Variants in RTF1 observed in about 807,000 individuals in gnomAD.
The protein encoded by RTF1 is RTF1 homolog, Paf1/RNA polymerase II complex component.
A neutral mutation model predicts 95.7 loss-of-function variants in RTF1; 10 were observed. The observed-to-expected ratio is 0.10, with a 90% CI of 0.06 to 0.18. The LOEUF is 0.18. Among genes scored for constraint, RTF1 ranks in the 10% least tolerant of loss-of-function variants. The pLI, the probability that RTF1 is intolerant of heterozygous loss-of-function variation, is 1.00. For missense variants in RTF1, 458 were observed against 875.6 expected, an observed-to-expected ratio of 0.52 and a Z score of 6.02; for synonymous variants, 305 against 311.8, an observed-to-expected ratio of 0.98 and a Z score of 0.23.
In RTF1 at chr15:41,476,528, G is replaced by A. The variant is rs372286520; in HGVS notation, c.1560+5G>A. Reference sequence around the variant, plus strand: ...ACTCAGCTACTGAAGGAAAAGGTAAGGAGTTGTACTCGAGCCTCTTTCCTC... The same window carrying A: ...ACTCAGCTACTGAAGGAAAAGGTAAAGAGTTGTACTCGAGCCTCTTTCCTC... On this transcript the variant is annotated splice_donor_5th_base_variant and intron_variant, in intron 12 of 17. Transcript: ENST00000389629. The A allele has an allele frequency of 3.1e-6, 5 of 1,611,290 alleles. No individual in the cohort carries two copies. Among genetic ancestry groups the A allele is most frequent in the Non-Finnish European group, 2.5e-6 (3 of 1,177,672 alleles).
intron 17 of RTF1, 41 bp from the exon 18 acceptor site, chr15:41,480,540 T>G: frequency 1.4e-6 from 2 of 1,455,616 alleles, no homozygotes; most frequent in Non-Finnish European, 1.9e-6. Context: ...TAAGAGGACT[T>G]TGTGGGACCT....
At chr15:41,460,103 ATTTTTGTTTTTG>A (rs1390480415) in intron 4 of RTF1, among the ~76,000 whole-genome samples, 4 of 131,458 alleles carry the variant, frequency 3.0e-5, no homozygotes, top group African/African-American at 1.2e-4. Context: ...TAGACATTTG[ATTTTTGTTTTTG>A]TTTTTGTTTT....
rs147688280 is a variant in RTF1, at chr15:41,455,847, A to G, written c.458-1825A>G. 5.3e-5 allele frequency among the ~76,000 whole-genome samples: 8 copies of G among 152,058 alleles called. No individual in the cohort carries two copies. In the East Asian group the frequency reaches 1.5e-3, roughly 29 times the overall value. ...GAGGGAGTGAGGGTTAAAAGAGTAC[A>G]TATTGGGTACAGTGTACACTGCTTG... On this transcript the variant is annotated intron_variant, in intron 3 of 17. Coordinates refer to ENST00000389629, the MANE Select transcript of RTF1 (RefSeq NM_015138.5).
At chr15:41,463,875 C>T (rs1469639057) in intron 4 of RTF1, among the ~76,000 whole-genome samples, 1 of 152,070 alleles carries the variant, frequency 6.6e-6, no homozygotes, top group Non-Finnish European at 1.5e-5. Context: ...GTTTTCAAGA[C>T]GGAGTCTCAC....
Position 41,457,717 on chromosome 15 carries a change from A to G in RTF1, c.503A>G (p.Asp168Gly). 1 of 1,614,102 alleles carries G rather than the reference A, an allele frequency of 6.2e-7. No homozygotes were observed. Among genetic ancestry groups the G allele is most frequent in the Non-Finnish European group, 8.5e-7 (1 of 1,180,018 alleles). The change falls in exon 4 of 18, where the codon GAT (aspartate) becomes GGT (glycine). Residue 168 changes from aspartate to glycine, a missense_variant. Physicochemically the swap from Asp to Gly is moderately conservative, Grantham distance 94 (BLOSUM62 -1). Around this residue, in one of 11 missense-constraint regions of RTF1, gnomAD observed 15 missense variants for 28.4 expected, o/e 0.53. Coordinates refer to ENST00000389629, the MANE Select transcript of RTF1 (RefSeq NM_015138.5). ...AGCAACAGCTCCTCTTCCAGTTCAGATTCAGACTCTTCCTCAGAAGATGAA... is the reference window on the plus strand; with the variant it reads ...AGCAACAGCTCCTCTTCCAGTTCAGGTTCAGACTCTTCCTCAGAAGATGAA... ...SDSNSSSSSS[D>G]SDSSSEDEEF...
At chr15:41,438,213 T>C (rs2050714704) in intron 1 of RTF1, 108 bp from the exon 2 acceptor site, 1 of 683,886 alleles carries the variant, frequency 1.5e-6, no homozygotes, top group African/African-American at 1.8e-5. Context: ...GTCCTTTAGT[T>C]GAAAACACAA....
In RTF1 at chr15:41,464,425, T is replaced by G. The variant is rs577908081; in HGVS notation, c.663-346T>G. ...CACCATGCCCAGCTAATTTTTGTATTTTTAGTAGAGACGGGGTTTCACCAT... is the reference window on the plus strand; with the variant it reads ...CACCATGCCCAGCTAATTTTTGTATGTTTAGTAGAGACGGGGTTTCACCAT... On this transcript the variant is annotated intron_variant, in intron 4 of 17. Transcript: ENST00000389629. 1.8e-3 allele frequency among the ~76,000 whole-genome samples: 270 copies of G among 151,608 alleles called. 1 individual carries two copies. The highest frequency in any genetic ancestry group is 5.9e-3 in the African/African-American group (243 of 41,286).
chr15:41,421,837 A>G (rs866105450), intron 1 of RTF1, among the ~76,000 whole-genome samples: 2 of 151,544 alleles, frequency 1.3e-5, no homozygotes, highest in Non-Finnish European at 2.9e-5. Flanking sequence ...CAGCCTCTCA[A>G]GTAGCTGGGA....
chr15:41,431,953 C>T (rs1478365167), intron 1 of RTF1, among the ~76,000 whole-genome samples: 1 of 151,960 alleles, frequency 6.6e-6, no homozygotes, highest in Non-Finnish European at 1.5e-5. Context: ...GTGCACGCCC[C>T]CATGCCTGGC....
chr15:41,476,341 C>CA (rs1353004766), intron 11 of RTF1, 105 bp from the exon 12 acceptor site: 1 of 827,506 alleles, frequency 1.2e-6, no homozygotes, highest in African/African-American at 1.7e-5. Context: ...GTAGGAAGAG[C>CA]AGCCCCTTTG....
chr15:41,460,125 T>TTTG (rs201575441), intron 4 of RTF1, among the ~76,000 whole-genome samples: 10 of 120,954 alleles, frequency 8.3e-5, no homozygotes, highest in Admixed American at 3.5e-4. Context: ...GTTTTTGTTT[T>TTTG]TTTTTTTTTT....
intron 4 of RTF1, among the ~76,000 whole-genome samples, chr15:41,459,257 C>T (rs935955121): frequency 1.2e-4 from 19 of 152,024 alleles, no homozygotes; most frequent in Admixed American, 1.1e-3. Context: ...CCTGTAGTCC[C>T]AGGTACTTGG....
intron 2 of RTF1, among the ~76,000 whole-genome samples, chr15:41,441,452 C>CTT (rs1327513191): frequency 9.9e-5 from 15 of 152,238 alleles, no homozygotes; most frequent in Admixed American, 7.2e-4. Context: ...GCTTGGAACA[C>CTT]ATTCATTCTC....
At chr15:41,433,898 T>C (rs1196946111) in intron 1 of RTF1, among the ~76,000 whole-genome samples, 1 of 148,214 alleles carries the variant, frequency 6.7e-6, no homozygotes, top group Admixed American at 6.9e-5. Flanking sequence ...CAGGCTGGAG[T>C]GCAATGGTGC....
In RTF1 at chr15:41,453,632, C is replaced by T. The variant is rs114632829; in HGVS notation, c.457+584C>T. Among the ~76,000 whole-genome samples, 1,141 of 151,378 alleles carry T rather than the reference C, an allele frequency of 7.5e-3. 18 individuals are homozygous for T. The highest frequency in any genetic ancestry group is 0.026 in the African/African-American group (1,076 of 41,166). On this transcript the variant is annotated intron_variant, in intron 3 of 17. Transcript: ENST00000389629. ...GTCCCAACTACTTAGGAGGCTGAGGCGAGAGGCTTGCTTGAGCCCAGGACT... is the reference window on the plus strand; with the variant it reads ...GTCCCAACTACTTAGGAGGCTGAGGTGAGAGGCTTGCTTGAGCCCAGGACT...
At chr15:41,477,313 C>T (rs775310120) in intron 13 of RTF1, 27 bp downstream of exon 13, 8 of 1,613,882 alleles carry the variant, frequency 5.0e-6, no homozygotes, top group Admixed American at 1.7e-5. Flanking sequence ...ATTTTTGGCC[C>T]GCAGACCTTG....
At chr15:41,425,662 C>T (rs1220703212) in intron 1 of RTF1, among the ~76,000 whole-genome samples, 2 of 152,148 alleles carry the variant, frequency 1.3e-5, no homozygotes, top group African/African-American at 4.8e-5. Context: ...GCATCTAGAG[C>T]AGTGCCTATA....
rs1381840583 is a variant in RTF1, at chr15:41,482,524, CTTAGT to C, written c.*1841_*1845del. 1 of 152,232 alleles carries C rather than the reference CTTAGT, an allele frequency of 6.6e-6. No individual in the cohort carries two copies. Among genetic ancestry groups the C allele is most frequent in the African/African-American group, 2.4e-5 (1 of 41,384 alleles). 9.4% of individuals were successfully genotyped at this position (152,232 alleles called of 1,614,324 possible). On this transcript the variant is annotated 3_prime_UTR_variant, in exon 18 of 18. Coordinates refer to ENST00000389629, the MANE Select transcript of RTF1 (RefSeq NM_015138.5). ...TAGTAGAGCCTCAGTGTCGCTTTAA[CTTAGT>C]TTACTTTTTTTTTATTTTTAAAGCA...
intron 1 of RTF1, among the ~76,000 whole-genome samples, chr15:41,434,528 G>A (rs143442587): frequency 3.2e-4 from 49 of 152,110 alleles, no homozygotes; most frequent in Middle Eastern, 3.4e-3. Context: ...GAGAAGGGAT[G>A]TATAAAGATG....
Sources: gnomAD v4.1 joint callset for allele counts (sites outside exome capture counted in the v4.1 genomes callset) on GRCh38, gnomAD v4.1.1 for gene constraint, gnomAD v4.1.1 regional missense constraint, MANE v1.5 for transcripts, NCBI Gene and HGNC (gene_info 2026-07-23, HGNC 2026-07-21) for gene names.